The following SP140 variants were observed in gnomAD, a reference collection of about 807,000 sequenced individuals.
SP140 encodes the protein nuclear body protein SP140.
In SP140, 81 loss-of-function variants were observed where a neutral mutation model predicts 125.0. The observed-to-expected ratio is 0.65, with a 90% CI of 0.54 to 0.78. The LOEUF (loss-of-function observed/expected upper bound fraction) is 0.78. SP140 is among the 30% of genes least tolerant of loss of function. The probability of loss-of-function intolerance (pLI) is 0.00; values close to 1 mark genes in which losing one functional copy is unlikely to be tolerated. For synonymous variants in SP140, 312 were observed against 354.0 expected (o/e 0.88, Z 1.33); for missense variants, 858 against 1,037.0 (o/e 0.83, Z 2.37).
intron 12 of SP140, among the ~76,000 whole-genome samples, chr2:230,258,837 A>C (rs1483232588): frequency 1.3e-5 from 2 of 152,278 alleles, no homozygotes; most frequent in African/African-American, 4.8e-5. Flanking sequence ...AAAATCAATC[A>C]TGTTTGCTTC....
In SP140 at chr2:230,237,982, C is replaced by A. The variant is rs1168111631; in HGVS notation, c.238-231C>A. Among the ~76,000 whole-genome samples, 3 of 152,148 alleles carry A rather than the reference C, an allele frequency of 2.0e-5. No homozygotes were observed. The highest frequency in any genetic ancestry group is 4.4e-5 in the Non-Finnish European group (3 of 68,028). ...GCCATACACAACATTCAACTTTGAA[C>A]CCACACTTATTATTTAAAATTACTC... On this transcript the variant is annotated intron_variant, in intron 2 of 26. Coordinates refer to ENST00000392045, the MANE Select transcript of SP140 (RefSeq NM_007237.5). This position sits in a 1 kb window ranked among gnomAD's most constrained non-coding sequence, Gnocchi z 5.4.
chr2:230,277,948 A>C (rs1335265165), intron 15 of SP140, among the ~76,000 whole-genome samples: 1 of 152,142 alleles, frequency 6.6e-6, no homozygotes, highest in Admixed American at 6.6e-5. Flanking sequence ...GAACATGTGG[A>C]TGCAGATACC....
intron 13 of SP140, 71 bp downstream of exon 13, chr2:230,269,689 A>G (rs2053634204): frequency 3.5e-6 from 4 of 1,151,640 alleles, no homozygotes; most frequent in Admixed American, 4.4e-5. Flanking sequence ...GAGAAAAAAT[A>G]GACTTAAAGG....
intron 17 of SP140, 21 bp downstream of exon 17, chr2:230,285,853 T>C (rs775022015): frequency 6.3e-7 from 1 of 1,578,908 alleles, no homozygotes; most frequent in Non-Finnish European, 8.7e-7. Flanking sequence ...GTTTGTCCGC[T>C]TTCCCTTTGC....
At chr2:230,311,267 C>T (rs2059307805) in intron 25 of SP140, 36 bp downstream of exon 25, 1 of 1,551,932 alleles carries the variant, frequency 6.4e-7, no homozygotes, top group East Asian at 2.3e-5. Context: ...TACAGGCTGC[C>T]ATGACATTAC....
intron 1 of SP140, among the ~76,000 whole-genome samples, chr2:230,206,450 T>TA (rs1237914610): frequency 1.3e-5 from 2 of 151,656 alleles, no homozygotes; most frequent in Admixed American, 1.3e-4. Context: ...CTTGCTAGAT[T>TA]CCTCTTCCAC....
chr2:230,186,653 C>T, the SP140 span, among the ~76,000 whole-genome samples: 1 of 152,150 alleles, frequency 6.6e-6, no homozygotes, highest in African/African-American at 2.4e-5. Context: ...TACTCCCCCT[C>T]CTCCGTCCCT....
intron 22 of SP140, among the ~76,000 whole-genome samples, chr2:230,301,235 G>T (rs1451683866): frequency 2.6e-5 from 4 of 152,198 alleles, no homozygotes; most frequent in African/African-American, 7.2e-5. Flanking sequence ...AATAATCAAA[G>T]AAAATGTTGC....
intron 3 of SP140, among the ~76,000 whole-genome samples, chr2:230,220,477 G>T (rs1440861803): frequency 6.6e-6 from 1 of 152,182 alleles, no homozygotes; most frequent in Non-Finnish European, 1.5e-5. Context: ...ATTACAGGAA[G>T]AAATTGAAAT....
chr2:230,265,096 GC>G (rs1367890851), intron 12 of SP140, among the ~76,000 whole-genome samples: 1 of 151,984 alleles, frequency 6.6e-6, no homozygotes, highest in Non-Finnish European at 1.5e-5. Flanking sequence ...TGGGGGAGGG[GC>G]TAGGCATGTC....
At position 230,292,834 on chromosome 2, in the gene SP140, T is replaced by C. The variant is rs1199669718; in HGVS notation, c.1968+46T>C. On this transcript the variant is annotated intron_variant, in intron 20 of 26. Transcript: ENST00000392045. ...CAGGCCTGTGTTCCTTCTTGTTCCC[T>C]AATAATGAGGAGACTGTTTATTCAC... 2.5e-6 allele frequency: 4 copies of C among 1,610,826 alleles called. No homozygotes were observed. The South Asian group carries it at 4.4e-5, about 18-fold the overall frequency.
chr2:230,227,089 A>G (rs573253666), intron 1 of SP140, among the ~76,000 whole-genome samples: 100 of 152,288 alleles, frequency 6.6e-4, no homozygotes, highest in Admixed American at 1.9e-3. Flanking sequence ...CCTGGAACCA[A>G]TTCCCCCTGG....
intron 22 of SP140, among the ~76,000 whole-genome samples, chr2:230,298,908 G>C (rs546115792): frequency 1.3e-5 from 2 of 152,300 alleles, no homozygotes; most frequent in African/African-American, 4.8e-5. Flanking sequence ...CAGTGCCTGT[G>C]CCTCAACCCT....
At chr2:230,189,894 T>C in the SP140 span, among the ~76,000 whole-genome samples, 5 of 152,216 alleles carry the variant, frequency 3.3e-5, no homozygotes, top group Non-Finnish European at 7.3e-5. Context: ...TATGGCTGCA[T>C]AGTGTTCCAT....
Position 230,243,752 on chromosome 2 carries a change from A to G in SP140, c.512A>G (p.Glu171Gly). The G allele has an allele frequency of 2.5e-6, 4 of 1,612,908 alleles. No homozygotes were observed. The highest frequency in any genetic ancestry group is 3.4e-6 in the Non-Finnish European group (4 of 1,179,246). ...GKQENSNACH[E>G]MDDIAVPQEA... ...GCAGAGAACAGCAATGCCTGTCATG[A>G]AATGGATGATATAGCAGTGCCTCAG... is the stretch of plus-strand genomic sequence containing the variant. The change falls in exon 5 of 27, where the codon GAA becomes GGA. Residue 171 changes from glutamate to glycine, a missense_variant. By Grantham distance (98) the Glu-to-Gly change is moderately conservative. Around this residue, in one of 4 missense-constraint regions of SP140, gnomAD observed 791 missense variants for 869.5 expected, o/e 0.91. Transcript: ENST00000392045.
chr2:230,300,597 A>G (rs1266254640), intron 22 of SP140, among the ~76,000 whole-genome samples: 2 of 152,182 alleles, frequency 1.3e-5, no homozygotes, highest in Non-Finnish European at 1.5e-5. Context: ...CCCTAGGGGA[A>G]GGGGGAGAAC....
intron 3 of SP140, among the ~76,000 whole-genome samples, chr2:230,240,460 A>G (rs192334824): frequency 4.3e-4 from 65 of 152,334 alleles, no homozygotes; most frequent in Admixed American, 2.9e-3. Context: ...ACTCCTATAA[A>G]TGAATAATAA....
At chr2:230,210,720 T>G (rs942215937) in intron 1 of SP140, among the ~76,000 whole-genome samples, 2 of 152,224 alleles carry the variant, frequency 1.3e-5, no homozygotes, top group African/African-American at 4.8e-5. Context: ...TCATCTCACA[T>G]GAAGCTGTCA....
In SP140 at chr2:230,210,023, AT is replaced by A. The variant is rs776591927; in HGVS notation, c.-322-3630del. 2.1e-5 allele frequency: 32 copies of A among 1,518,616 alleles called. 1 individual carries two copies. In the East Asian group the frequency reaches 7.2e-4, roughly 34 times the overall value. The allele number at this position is 1,518,616 out of a possible 1,614,324, so 94.1% of individuals were successfully genotyped here. Reference sequence around the variant, plus strand: ...ATCTCTTATCTCTGACAAAAGAAATATAAGTCATTTCAGAGCTCAGATCCAG... The same window carrying A: ...ATCTCTTATCTCTGACAAAAGAAATAAAGTCATTTCAGAGCTCAGATCCAG... On this transcript the variant is annotated intron_variant, in intron 1 of 4. Coordinates refer to the SP140 transcript ENST00000456542.
Sources: allele counts gnomAD v4.1 joint callset (sites outside exome capture counted in the v4.1 genomes callset), GRCh38; gene constraint gnomAD v4.1.1; regional missense constraint gnomAD v4.1.1; non-coding constraint Gnocchi (gnomAD v3.1); transcripts MANE v1.5; gene names NCBI Gene and HGNC (gene_info 2026-07-23, HGNC 2026-07-21).